FAM222A: variants seen among roughly 807,000 people sequenced by gnomAD.
FAM222A encodes protein FAM222A.
FAM222A carries 7 observed loss-of-function variants against 25.8 expected under a neutral mutation model. The observed-to-expected ratio is 0.27, with a 90% CI of 0.15 to 0.51. The LOEUF is 0.51. Ranked by LOEUF, FAM222A falls within the 20% of genes least tolerant of loss-of-function variation. The pLI, the probability that FAM222A is intolerant of heterozygous loss-of-function variation, is 0.97. For missense variants in FAM222A, 573 were observed against 640.5 expected (o/e 0.89, Z 1.14); for synonymous variants, 294 against 298.8 (o/e 0.98, Z 0.17).
intron 1 of FAM222A, among the ~76,000 whole-genome samples, chr12:109,720,769 C>G (rs566202078): frequency 1.3e-4 from 20 of 152,322 alleles, no homozygotes; most frequent in African/African-American, 4.6e-4. Flanking sequence ...GAGGGAGAGG[C>G]CTCGAGTGCA....
At chr12:109,761,872 C>A (rs1408492719) in intron 2 of FAM222A, among the ~76,000 whole-genome samples, 2 of 152,144 alleles carry the variant, frequency 1.3e-5, no homozygotes, top group Non-Finnish European at 2.9e-5. Flanking sequence ...GAGGAAACCC[C>A]CGGGTCCTGG....
In FAM222A at chr12:109,755,734, A is replaced by G. The variant is rs143676112; in HGVS notation, c.82+11506A>G. On this transcript the variant is annotated intron_variant, in intron 2 of 2. Coordinates refer to ENST00000538780, the MANE Select transcript of FAM222A (RefSeq NM_032829.3). ...GTCCCAACATTTGTTGAAGAGACCAATCTTTCTCCTATTGAGTTGTTTTGG... is the reference window on the plus strand; with the variant it reads ...GTCCCAACATTTGTTGAAGAGACCAGTCTTTCTCCTATTGAGTTGTTTTGG... Among the ~76,000 whole-genome samples, 9 of 152,344 alleles carry G rather than the reference A, an allele frequency of 5.9e-5. No homozygotes were observed. In the East Asian group the frequency reaches 1.3e-3, roughly 23 times the overall value.
Position 109,746,706 on chromosome 12 carries a change from C to G in FAM222A, c.82+2478C>G, listed in dbSNP as rs554340143. Among the ~76,000 whole-genome samples the G allele has an allele frequency of 7.2e-5, 11 of 152,274 alleles. No homozygotes were observed. In the South Asian group the frequency reaches 1.2e-3, roughly 17 times the overall value. On this transcript the variant is annotated intron_variant, in intron 2 of 2. Transcript: ENST00000538780. ...TTTTTAGTATATTCATAGAATTATG[C>G]AGCCATTACCACAGTCAATTTTAGA...
intron 2 of FAM222A, among the ~76,000 whole-genome samples, chr12:109,759,188 C>A (rs1344552): frequency 0.15 from 23,423 of 152,152 alleles, 2,002 homozygotes; most frequent in East Asian, 0.31. Context: ...CTTGGACAGG[C>A]GACTTGCCCT....
chr12:109,768,727 C>T lies in FAM222A; in HGVS notation c.798C>T (p.Ala266=), dbSNP rs1565850292. ...GTELGQGATQ[A]LTLAGAAKPA... is the part of the protein sequence containing the mutation. ...AGCTGGGCCAGGGAGCCACCCAAGCCTTGACGTTGGCTGGGGCCGCCAAGC... is the reference window on the plus strand; with the variant it reads ...AGCTGGGCCAGGGAGCCACCCAAGCTTTGACGTTGGCTGGGGCCGCCAAGC... Residue 266 remains alanine (A), a synonymous_variant, in exon 3 of 3, where the codon GCC becomes GCT. Transcript: ENST00000538780. 6.3e-7 allele frequency: 1 copy of T among 1,579,556 alleles called. No individual in the cohort carries two copies. Among genetic ancestry groups the T allele is most frequent in the Non-Finnish European group, 8.6e-7 (1 of 1,167,414 alleles).
At chr12:109,764,645 G>A (rs11068173) in intron 2 of FAM222A, among the ~76,000 whole-genome samples, 18,334 of 151,722 alleles carry the variant, frequency 0.12, 1,407 homozygotes, top group East Asian at 0.31. Context: ...TTTTTTCCCC[G>A]GCAGCTGCTT....
Position 109,713,906 on chromosome 12 carries a change from C to T in FAM222A, c.-1038C>T, listed in dbSNP as rs1282141826. ...GGCTGCGCGCGCCGGCCGGGGGAGG[C>T]GGACAGCCGGGCCCGGCGCCTGTGG... On this transcript the variant is annotated 5_prime_UTR_variant, in exon 1 of 3. Transcript: ENST00000538780. Among the ~76,000 whole-genome samples the T allele has an allele frequency of 6.8e-6, 1 of 146,708 alleles. No homozygotes were observed. Among genetic ancestry groups the T allele is most frequent in the African/African-American group, 2.5e-5 (1 of 40,714 alleles).
rs748099189 is a variant in FAM222A at position 109,768,733 on chromosome 12, G to A, written c.804G>A (p.Thr268=). 4.4e-6 allele frequency: 7 copies of A among 1,578,030 alleles called. No individual in the cohort carries two copies. The highest frequency in any genetic ancestry group is 2.3e-5 in the South Asian group (2 of 88,518). Residue 268 remains threonine (T), a synonymous_variant, in exon 3 of 3, where the codon ACG becomes ACA. Transcript: ENST00000538780. ...GCCAGGGAGCCACCCAAGCCTTGACGTTGGCTGGGGCCGCCAAGCCTGCAG... is the reference window on the plus strand; with the variant it reads ...GCCAGGGAGCCACCCAAGCCTTGACATTGGCTGGGGCCGCCAAGCCTGCAG... ...ELGQGATQAL[T]LAGAAKPAGY...
In FAM222A at chr12:109,769,702, G is replaced by A. The variant is rs1889188044; in HGVS notation, c.*414G>A. 1 of 208,454 alleles carries A rather than the reference G, an allele frequency of 4.8e-6. No individual in the cohort carries two copies. Among genetic ancestry groups the A allele is most frequent in the Admixed American group, 5.4e-5 (1 of 18,480 alleles). 12.9% of individuals were successfully genotyped at this position (208,454 alleles called of 1,614,324 possible). A position where few individuals can be genotyped will look rare whatever the true frequency, so the allele number is the denominator to read the frequency against. ...GGGTGGGGGCAGGGCAGCCCCCCCA[G>A]GGGTCAGGCAGCTGTGTCTCCCCAC... On this transcript the variant is annotated 3_prime_UTR_variant, in exon 3 of 3. Transcript: ENST00000538780.
Position 109,769,656 on chromosome 12 carries a change from G to A in FAM222A, c.*368G>A, listed in dbSNP as rs1446706727. On this transcript the variant is annotated 3_prime_UTR_variant, in exon 3 of 3. Coordinates refer to ENST00000538780, the MANE Select transcript of FAM222A (RefSeq NM_032829.3). ...CCCAGGCCAAGGTGGGGTGCAGGAG[G>A]AAACAGGCGCACCAGAGTCAGGGTG... The A allele has an allele frequency of 7.6e-6, 2 of 263,090 alleles. No homozygotes were observed. The highest frequency in any genetic ancestry group is 1.7e-4 in the East Asian group (2 of 11,686). 16.3% of individuals were successfully genotyped at this position (263,090 alleles called of 1,614,324 possible).
rs193020897 is a variant in FAM222A at position 109,769,300 on chromosome 12, C to A, written c.*12C>A. On this transcript the variant is annotated 3_prime_UTR_variant, in exon 3 of 3. Transcript: ENST00000538780. The stretch of plus-strand genomic sequence containing the variant: ...CCGTCTACAGATAAGGCCTGCCCTG[C>A]GGACATACGGACATGCGGACAGGGC... 1.3e-6 allele frequency: 2 copies of A among 1,593,378 alleles called. No homozygotes were observed. Among genetic ancestry groups the A allele is most frequent in the South Asian group, 1.1e-5 (1 of 87,908 alleles).
At chr12:109,764,221 T>TAAAA (rs1565847960) in intron 2 of FAM222A, among the ~76,000 whole-genome samples, 3 of 9,872 alleles carry the variant, frequency 3.0e-4, no homozygotes, top group Non-Finnish European at 5.4e-4. Context: ...GACCCTGTCT[T>TAAAA]CAAAAAAAAA....
At chr12:109,758,802 G>A (rs1211557063) in intron 2 of FAM222A, among the ~76,000 whole-genome samples, 2 of 152,160 alleles carry the variant, frequency 1.3e-5, no homozygotes, top group Admixed American at 6.5e-5. Context: ...GGCGAGCTGG[G>A]GCCAGGCCCT....
chr12:109,754,563 A>G (rs35301010), intron 2 of FAM222A, among the ~76,000 whole-genome samples: 1 of 152,236 alleles, frequency 6.6e-6, no homozygotes, highest in African/African-American at 2.4e-5. Context: ...GAATACAGCC[A>G]CAGACATACA....
intron 1 of FAM222A, among the ~76,000 whole-genome samples, chr12:109,736,357 G>A (rs1170064346): frequency 6.6e-6 from 1 of 152,212 alleles, no homozygotes; most frequent in Non-Finnish European, 1.5e-5. Context: ...CTACCACAAG[G>A]ACCCTGGCAC....
Position 109,756,392 on chromosome 12 carries a change from CTTTT to C in FAM222A, c.83-11606_83-11603del, listed in dbSNP as rs35171962. ...GTTTTACTTCTTTCTAATATGAATG[CTTTT>C]TTTTTTTTTTTTTGTCTAATTGCTC... On this transcript the variant is annotated intron_variant, in intron 2 of 2. Transcript: ENST00000538780. Among the ~76,000 whole-genome samples the C allele has an allele frequency of 3.5e-3, 438 of 124,366 alleles. 2 individuals carry two copies. Among genetic ancestry groups the C allele is most frequent in the African/African-American group, 0.011 (382 of 34,436 alleles). 81.6% of individuals were successfully genotyped at this position (124,366 alleles called of 152,430 possible).
At chr12:109,739,997 G>A (rs1888194669) in intron 1 of FAM222A, among the ~76,000 whole-genome samples, 1 of 152,180 alleles carries the variant, frequency 6.6e-6, no homozygotes, top group Non-Finnish European at 1.5e-5. Context: ...TGGCCCGTGG[G>A]CTCCCTGACG....
At chr12:109,743,628 T>G (rs904573405) in intron 1 of FAM222A, among the ~76,000 whole-genome samples, 12 of 152,106 alleles carry the variant, frequency 7.9e-5, no homozygotes, top group Non-Finnish European at 1.5e-4. Context: ...GACCAGTACT[T>G]CAGTAACCTG....
In FAM222A at chr12:109,769,048, G is replaced by A. The variant is rs756263792; in HGVS notation, c.1119G>A (p.Gly373=). ...PAAAVVVTEL[G]PGAARELAGP... Reference sequence around the variant, plus strand: ...CGGCGGTGGTGGTCACGGAGCTGGGGCCGGGGGCAGCCCGGGAGCTGGCTG... The same window carrying A: ...CGGCGGTGGTGGTCACGGAGCTGGGACCGGGGGCAGCCCGGGAGCTGGCTG... Residue 373 remains glycine (G), a synonymous_variant, in exon 3 of 3, where the codon GGG becomes GGA. Coordinates refer to ENST00000538780, the MANE Select transcript of FAM222A (RefSeq NM_032829.3). 2.3e-5 allele frequency: 36 copies of A among 1,587,438 alleles called. No individual in the cohort carries two copies. Among genetic ancestry groups the A allele is most frequent in the African/African-American group, 2.7e-5 (2 of 74,530 alleles).
Sources: allele counts gnomAD v4.1 joint callset (sites outside exome capture counted in the v4.1 genomes callset), GRCh38; gene constraint gnomAD v4.1.1; transcripts MANE v1.5; gene names NCBI Gene and HGNC (gene_info 2026-07-23, HGNC 2026-07-21).